Variants in POLD3 observed in about 807,000 individuals in gnomAD.
POLD3 encodes DNA polymerase delta subunit 3.
Under a neutral mutation model 58.2 loss-of-function variants are expected in POLD3, and 19 were observed. The observed-to-expected ratio is 0.33, with a 90% CI of 0.23 to 0.48. The LOEUF (loss-of-function observed/expected upper bound fraction) is 0.48, where lower values mean the gene tolerates loss of function less well. Among genes scored for constraint, POLD3 ranks in the 20% least tolerant of loss-of-function variants. The pLI is 0.99. For synonymous variants in POLD3, 172 were observed against 193.5 expected (o/e 0.89, Z 0.92); for missense variants, 504 against 545.5 (o/e 0.92, Z 0.76).
chr11:74,636,174 C>CATTGT, intron 10 of POLD3, 23 bp from the exon 11 acceptor site: 2 of 1,602,986 alleles, frequency 1.2e-6, no homozygotes, highest in Non-Finnish European at 1.7e-6. Flanking sequence ...TCCAGCTTAA[C>CATTGT]ATTGTATCCT....
At chr11:74,611,393 G>A (rs749376615) in intron 3 of POLD3, 106 bp from the exon 4 acceptor site, 32 of 697,920 alleles carry the variant, frequency 4.6e-5, no homozygotes, top group Non-Finnish European at 8.0e-5. Flanking sequence ...AGGAGTGCCT[G>A]GTGTTTTCCT....
chr11:74,617,225 G>C (rs2032106469), intron 5 of POLD3, among the ~76,000 whole-genome samples: 1 of 152,188 alleles, frequency 6.6e-6, no homozygotes, highest in African/African-American at 2.4e-5. Context: ...AATGATTAGA[G>C]AGAGATGTAT....
rs1347715005 is a variant in POLD3, at chr11:74,641,206, T to G, written c.*440T>G. 3.0e-6 allele frequency: 3 copies of G among 985,526 alleles called. No homozygotes were observed. Among genetic ancestry groups the G allele is most frequent in the African/African-American group, 1.7e-5 (1 of 57,254 alleles). The allele number at this position is 985,526 out of a possible 1,614,324, so 61.0% of individuals were successfully genotyped here. ...ATCCTTACATTCTGCTGGATACGTTTACCCCTCTTGTCTTCCTGCAGTACC... is the reference window on the plus strand; with the variant it reads ...ATCCTTACATTCTGCTGGATACGTTGACCCCTCTTGTCTTCCTGCAGTACC... On this transcript the variant is annotated 3_prime_UTR_variant, in exon 12 of 12. Coordinates refer to ENST00000263681, the MANE Select transcript of POLD3 (RefSeq NM_006591.3).
intron 4 of POLD3, among the ~76,000 whole-genome samples, chr11:74,651,537 G>C (rs188929427): frequency 3.9e-5 from 6 of 152,286 alleles, no homozygotes; most frequent in Admixed American, 2.6e-4. Flanking sequence ...AATGACCATT[G>C]TGATAAGCCT....
intron 4 of POLD3, among the ~76,000 whole-genome samples, chr11:74,655,115 C>G (rs893885513): frequency 2.0e-5 from 3 of 152,244 alleles, no homozygotes; most frequent in African/African-American, 7.2e-5. Context: ...AATTTTTATG[C>G]ATTTCCCAAC....
chr11:74,645,118 A>G (rs1240084591), downstream of POLD3, among the ~76,000 whole-genome samples: 1 of 152,246 alleles, frequency 6.6e-6, no homozygotes, highest in African/African-American at 2.4e-5. Flanking sequence ...TAGACATGGG[A>G]CTTAATAATT....
At chr11:74,622,841 A>G (rs1001330372) in intron 7 of POLD3, among the ~76,000 whole-genome samples, 9 of 152,354 alleles carry the variant, frequency 5.9e-5, no homozygotes, top group African/African-American at 2.2e-4. Flanking sequence ...CTAGATATCT[A>G]CACAAGGGAA....
chr11:74,665,590 G>C (rs2033258940), intron 4 of POLD3, among the ~76,000 whole-genome samples: 1 of 151,716 alleles, frequency 6.6e-6, no homozygotes, highest in Non-Finnish European at 1.5e-5. Context: ...TTAGTGGAGG[G>C]GGTTTTGCCA....
downstream of POLD3, among the ~76,000 whole-genome samples, chr11:74,643,617 G>A (rs905115976): frequency 1.3e-5 from 2 of 152,174 alleles, no homozygotes; most frequent in Non-Finnish European, 2.9e-5. Context: ...GACTTTCCAG[G>A]CAGAGGAGCA....
intron 11 of POLD3, chr11:74,638,697 C>G (rs1410841035): frequency 2.2e-6 from 1 of 455,686 alleles, no homozygotes; most frequent in Non-Finnish European, 4.4e-6. Flanking sequence ...TGGGAATTCT[C>G]TAATTATCTT....
chr11:74,602,915 T>G (rs1473800140), intron 2 of POLD3, among the ~76,000 whole-genome samples: 1 of 152,230 alleles, frequency 6.6e-6, no homozygotes, highest in East Asian at 1.9e-4. Flanking sequence ...ATATCCACCT[T>G]GCTGGCTCCC....
At chr11:74,651,486 G>A (rs11236185) in intron 4 of POLD3, among the ~76,000 whole-genome samples, 59,923 of 149,440 alleles carry the variant, frequency 0.4, 13,471 homozygotes, top group Non-Finnish European at 0.51. Context: ...AGTTTTGAAA[G>A]AGAGAGACAA....
Position 74,592,606 on chromosome 11 carries a change from C to T in POLD3, c.-53C>T. The T allele has an allele frequency of 1.2e-6, 2 of 1,606,706 alleles. No individual in the cohort carries two copies. The highest frequency in any genetic ancestry group is 1.7e-6 in the Non-Finnish European group (2 of 1,175,458). Reference sequence around the variant, plus strand: ...CAAAGACGTTTCCCGCCGGCGGGAGCTGTGGCTGTGATTGAGAGAGGGGTT... The same window carrying T: ...CAAAGACGTTTCCCGCCGGCGGGAGTTGTGGCTGTGATTGAGAGAGGGGTT... On this transcript the variant is annotated 5_prime_UTR_variant, in exon 1 of 12. Coordinates refer to ENST00000263681, the MANE Select transcript of POLD3 (RefSeq NM_006591.3).
chr11:74,663,839 G>A (rs2033234162), intron 4 of POLD3, among the ~76,000 whole-genome samples: 1 of 152,080 alleles, frequency 6.6e-6, no homozygotes, highest in South Asian at 2.1e-4. Context: ...ATGTGAGTTA[G>A]TTATCACCAT....
In POLD3 at chr11:74,643,016, C is replaced by A; in HGVS notation, c.*2250C>A. On this transcript the variant is annotated 3_prime_UTR_variant, in exon 12 of 12. Coordinates refer to ENST00000263681, the MANE Select transcript of POLD3 (RefSeq NM_006591.3). Reference sequence around the variant, plus strand: ...GCTGTATGACTGTGGGCAAGTTTCACAGCCTCAAGTTCTTTATCAAAATAA... The same window carrying A: ...GCTGTATGACTGTGGGCAAGTTTCAAAGCCTCAAGTTCTTTATCAAAATAA... 1 of 753,932 alleles carries A rather than the reference C, an allele frequency of 1.3e-6. No individual in the cohort carries two copies. The highest frequency in any genetic ancestry group is 1.6e-6 in the Non-Finnish European group (1 of 618,800). The allele number at this position is 753,932 out of a possible 1,614,324, so 46.7% of individuals were successfully genotyped here.
rs147850084 is a variant in POLD3, at chr11:74,618,668, A to G, written c.524A>G (p.Asn175Ser). The G allele has an allele frequency of 1.4e-5, 22 of 1,614,078 alleles. No individual in the cohort carries two copies. The highest frequency in any genetic ancestry group is 1.1e-4 in the African/African-American group (8 of 75,044). The change falls in exon 6 of 12, where the codon AAT becomes AGT. Residue 175 changes from asparagine to serine, a missense_variant. Around this residue, in one of 2 missense-constraint regions of POLD3, gnomAD observed 385 missense variants for 370.5 expected, o/e 1.04. Transcript: ENST00000263681. Reference sequence around the variant, plus strand: ...CAAGCCAACAATGAGCTGACCACCAATGGTCATGGCCCACCTGCATCCAAG... The same window carrying G: ...CAAGCCAACAATGAGCTGACCACCAGTGGTCATGGCCCACCTGCATCCAAG... ...ETQANNELTT[N>S]GHGPPASKQV...
intron 8 of POLD3, among the ~76,000 whole-genome samples, chr11:74,627,754 A>G (rs1240820307): frequency 1.3e-5 from 2 of 152,210 alleles, no homozygotes; most frequent in South Asian, 4.1e-4. Context: ...TGAGTACAGT[A>G]ACAATGATGT....
intron 3 of POLD3, among the ~76,000 whole-genome samples, chr11:74,607,211 G>T (rs117354168): frequency 6.7e-6 from 1 of 149,168 alleles, no homozygotes; most frequent in Non-Finnish European, 1.5e-5. Flanking sequence ...AAGACATTAC[G>T]CAGCTTTGTA....
intron 5 of POLD3, among the ~76,000 whole-genome samples, chr11:74,617,163 A>G (rs940227550): frequency 2.6e-5 from 4 of 152,230 alleles, no homozygotes; most frequent in Non-Finnish European, 5.9e-5. Flanking sequence ...TCAATTACCC[A>G]TTCACAATGT....
Sources: gnomAD v4.1 joint callset for allele counts (sites outside exome capture counted in the v4.1 genomes callset) on GRCh38, gnomAD v4.1.1 for gene constraint, gnomAD v4.1.1 regional missense constraint, MANE v1.5 for transcripts, NCBI Gene and HGNC (gene_info 2026-07-23, HGNC 2026-07-21) for gene names.